CC2D2B: variants seen among roughly 807,000 people sequenced by gnomAD.
CC2D2B encodes the protein coiled-coil and C2 domain containing 2B.
Under a neutral mutation model 161.2 loss-of-function variants are expected in CC2D2B, and 128 were observed. That is an observed-to-expected ratio of 0.79 (90% CI 0.69 to 0.92). The LOEUF is 0.92. Ranked by LOEUF, CC2D2B falls within the 40% of genes least tolerant of loss-of-function variation. CC2D2B has a pLI of 0.00. For missense variants in CC2D2B, 1,173 were observed against 1,375.1 expected (o/e 0.85, Z 2.32); for synonymous variants, 391 against 449.8 (o/e 0.87, Z 1.65).
chr10:95,911,041 A>G (rs1292336248), intron 1 of CC2D2B, among the ~76,000 whole-genome samples: 1 of 152,156 alleles, frequency 6.6e-6, no homozygotes, highest in Non-Finnish European at 1.5e-5. Context: ...CCTATCATCT[A>G]CAAACAATGA....
At chr10:95,936,075 G>A (rs993848642) in intron 6 of CC2D2B, among the ~76,000 whole-genome samples, 5 of 152,264 alleles carry the variant, frequency 3.3e-5, no homozygotes, top group East Asian at 1.9e-4. Context: ...AAAGCGGGCC[G>A]TGTCTCTGAT....
chr10:95,912,411 T>C (rs917747623), intron 2 of CC2D2B, among the ~76,000 whole-genome samples: 1 of 152,138 alleles, frequency 6.6e-6, no homozygotes, highest in Non-Finnish European at 1.5e-5. Context: ...AATATGATTT[T>C]GATGCTTAGG....
chr10:95,947,082 A>ATATATAT (rs2076223662), intron 9 of CC2D2B, among the ~76,000 whole-genome samples: 11 of 39,500 alleles, frequency 2.8e-4, no homozygotes, highest in Admixed American at 1.2e-3. Flanking sequence ...TGGACTCAAA[A>ATATATAT]ATATATATAT....
chr10:96,021,119 G>C (rs536001365), intron 32 of CC2D2B: 29 of 152,298 alleles, frequency 1.9e-4, no homozygotes, highest in African/African-American at 5.8e-4. Context: ...ATCATACTGA[G>C]TGTTGTCAAA....
rs549720280 is a variant in CC2D2B, at chr10:96,016,513, T to G, written c.3630+199T>G. 2.0e-5 allele frequency among the ~76,000 whole-genome samples: 3 copies of G among 152,302 alleles called. 1 individual carries two copies. In the South Asian group the frequency reaches 6.2e-4, roughly 32 times the overall value. ...TGTAAAGACTGATTTCCTTTTGCTT[T>G]TCTCCCCTGTAAAAGAGTACTAAAA... On this transcript the variant is annotated intron_variant, in intron 30 of 34. Coordinates refer to ENST00000646931, the MANE Select transcript of CC2D2B (RefSeq NM_001349008.3).
At chr10:95,967,122 T>G (rs1348561121) in intron 14 of CC2D2B, among the ~76,000 whole-genome samples, 5 of 152,136 alleles carry the variant, frequency 3.3e-5, no homozygotes, top group Middle Eastern at 3.2e-3. Flanking sequence ...ATGCTTACAT[T>G]AACAACCAAA....
intron 25 of CC2D2B, among the ~76,000 whole-genome samples, chr10:96,008,119 T>C (rs1467971376): frequency 2.0e-5 from 3 of 152,124 alleles, no homozygotes; most frequent in African/African-American, 7.2e-5. Flanking sequence ...GTCACTATCG[T>C]TTCTATTTTC....
chr10:95,969,383 G>T (rs1269668682), intron 15 of CC2D2B, among the ~76,000 whole-genome samples: 1 of 152,006 alleles, frequency 6.6e-6, no homozygotes, highest in Non-Finnish European at 1.5e-5. Context: ...TCTGTGCAAA[G>T]ATCCCACTGT....
chr10:95,992,282 T>A (rs924293282), intron 21 of CC2D2B, among the ~76,000 whole-genome samples: 4 of 152,178 alleles, frequency 2.6e-5, no homozygotes, highest in African/African-American at 9.6e-5. Context: ...CACGTATCTG[T>A]TTGGACCATG....
At chr10:96,011,326 G>A (rs1262882993) in intron 26 of CC2D2B, among the ~76,000 whole-genome samples, 2 of 152,184 alleles carry the variant, frequency 1.3e-5, no homozygotes, top group Non-Finnish European at 2.9e-5. Context: ...ACAGTGGTAG[G>A]TAAGAGTGTG....
At chr10:95,985,944 G>A (rs893909586) in intron 19 of CC2D2B, among the ~76,000 whole-genome samples, 5 of 152,002 alleles carry the variant, frequency 3.3e-5, no homozygotes, top group Admixed American at 6.6e-5. Context: ...GGAAATTCCC[G>A]CCTAATAAAT....
At position 95,993,783 on chromosome 10, in the gene CC2D2B, G is replaced by GTA. The variant is rs200918387; in HGVS notation, c.2642+1097_2642+1098dup. The stretch of plus-strand genomic sequence containing the variant: ...TAGAAAGAGTGTGTATATATATAGA[G>GTA]TATATATATATAGAGAGAGAGAATA... On this transcript the variant is annotated intron_variant, in intron 22 of 34. Coordinates refer to ENST00000646931, the MANE Select transcript of CC2D2B (RefSeq NM_001349008.3). 2.6e-3 allele frequency among the ~76,000 whole-genome samples: 357 copies of GTA among 137,008 alleles called. 1 individual carries two copies. Among genetic ancestry groups the GTA allele is most frequent in the African/African-American group, 8.4e-3 (313 of 37,198 alleles). 89.9% of individuals were successfully genotyped at this position (137,008 alleles called of 152,430 possible). A position where few individuals can be genotyped will look rare whatever the true frequency, so the allele number is the denominator to read the frequency against.
At chr10:96,031,797 G>T (rs955831771) in intron 34 of CC2D2B, 23 bp from the exon 35 acceptor site, 2 of 1,600,522 alleles carry the variant, frequency 1.2e-6, no homozygotes, top group Non-Finnish European at 1.7e-6. Context: ...GTGGGTTTAT[G>T]TGCTGTTCTG....
intron 25 of CC2D2B, among the ~76,000 whole-genome samples, chr10:96,006,471 A>G (rs1340224238): frequency 6.6e-6 from 1 of 151,762 alleles, no homozygotes; most frequent in Non-Finnish European, 1.5e-5. Flanking sequence ...TTTTGTGTAA[A>G]CTTTTGATTT....
At chr10:96,006,809 G>T (rs2078768057) in intron 25 of CC2D2B, among the ~76,000 whole-genome samples, 1 of 152,104 alleles carries the variant, frequency 6.6e-6, no homozygotes, top group Non-Finnish European at 1.5e-5. Context: ...CCATCAGAGT[G>T]CCTGGCCCTG....
chr10:96,030,990 T>A (rs531614699), intron 34 of CC2D2B, among the ~76,000 whole-genome samples: 40 of 152,304 alleles, frequency 2.6e-4, no homozygotes, highest in African/African-American at 6.0e-4. Context: ...GGAATTTTTT[T>A]AAAAAAGTTA....
intron 20 of CC2D2B, among the ~76,000 whole-genome samples, chr10:95,989,140 G>A (rs910291140): frequency 6.6e-6 from 1 of 152,202 alleles, no homozygotes; most frequent in African/African-American, 2.4e-5. Context: ...ATACATTCCA[G>A]ATCCCTCATG....
chr10:96,012,467 G>A (rs1417186043), intron 27 of CC2D2B, 65 bp from the exon 28 acceptor site: 9 of 1,188,594 alleles, frequency 7.6e-6, no homozygotes, highest in South Asian at 6.6e-5. Context: ...ATAAACATTG[G>A]TTCTTGATAT....
At chr10:95,990,708 G>A (rs2077918529) in intron 20 of CC2D2B, among the ~76,000 whole-genome samples, 1 of 152,154 alleles carries the variant, frequency 6.6e-6, no homozygotes, top group African/African-American at 2.4e-5. Flanking sequence ...AGGACAGAAA[G>A]CAGAAAATTG....
Sources: allele counts gnomAD v4.1 joint callset (sites outside exome capture counted in the v4.1 genomes callset), GRCh38; gene constraint gnomAD v4.1.1; transcripts MANE v1.5; gene names NCBI Gene and HGNC (gene_info 2026-07-23, HGNC 2026-07-21).